Variants in NFATC1 observed in about 807,000 individuals in gnomAD.
NFATC1 encodes the protein nuclear factor of activated T-cells, cytoplasmic 1.
In NFATC1, 22 loss-of-function variants were observed where a neutral mutation model predicts 76.0. The observed-to-expected ratio is 0.29, with a 90% CI of 0.21 to 0.41. NFATC1 has a LOEUF of 0.41. NFATC1 is among the 10% of genes least tolerant of loss of function. NFATC1 has a pLI of 1.00. For missense variants in NFATC1, 1,357 were observed against 1,337.7 expected (o/e 1.01, Z -0.23); for synonymous variants, 704 against 613.1 (o/e 1.15, Z -2.19).
At chr18:79,503,062 C>G (rs1263997987) in intron 9 of NFATC1, among the ~76,000 whole-genome samples, 1 of 152,212 alleles carries the variant, frequency 6.6e-6, no homozygotes, top group African/African-American at 2.4e-5. Context: ...TCTGAAACAA[C>G]CACAATGCCC....
intron 9 of NFATC1, among the ~76,000 whole-genome samples, chr18:79,521,522 A>T (rs1435789611): frequency 1.0e-4 from 4 of 38,998 alleles, no homozygotes; most frequent in East Asian, 9.6e-4. Context: ...GTGTGTGGGG[A>T]GCATCCACTG....
In NFATC1 at chr18:79,400,374, G is replaced by A. The variant is rs938398028; in HGVS notation, c.127+4023G>A. ...GGCCGCGACCCCGGCTCCCGCCCCG[G>A]CCCCGGCCCGACCCGCCATGACGGG... On this transcript the variant is annotated intron_variant, in intron 1 of 9. Transcript: ENST00000427363. 7 of 1,474,770 alleles carry A rather than the reference G, an allele frequency of 4.7e-6. No homozygotes were observed. The African/African-American group carries it at 1.0e-4, about 22-fold the overall frequency. The allele number at this position is 1,474,770 out of a possible 1,614,324, so 91.4% of individuals were successfully genotyped here. A position where few individuals can be genotyped will look rare whatever the true frequency, so the allele number is the denominator to read the frequency against.
intron 9 of NFATC1, among the ~76,000 whole-genome samples, chr18:79,502,300 CA>C (rs1168591357): frequency 6.6e-6 from 1 of 152,044 alleles, no homozygotes; most frequent in African/African-American, 2.4e-5. Flanking sequence ...TTGCCACATG[CA>C]AAAAAACACA....
intron 8 of NFATC1, among the ~76,000 whole-genome samples, chr18:79,471,593 C>T (rs2088789177): frequency 6.6e-6 from 1 of 152,206 alleles, no homozygotes; most frequent in South Asian, 2.1e-4. Flanking sequence ...GGAGAAGCTG[C>T]TCCCGGCCCT....
At chr18:79,432,138 C>T (rs1297492504) in intron 2 of NFATC1, among the ~76,000 whole-genome samples, 1 of 152,248 alleles carries the variant, frequency 6.6e-6, no homozygotes, top group East Asian at 1.9e-4. Context: ...CTGCCCTTCT[C>T]GAGAAGCTGC....
chr18:79,431,230 A>G (rs145308970), intron 2 of NFATC1, among the ~76,000 whole-genome samples: 3 of 152,324 alleles, frequency 2.0e-5, no homozygotes, highest in East Asian at 1.9e-4. Context: ...GTCACAAAAT[A>G]TGTAGTCTTG....
At chr18:79,438,549 G>A (rs1038058265) in intron 3 of NFATC1, among the ~76,000 whole-genome samples, 12 of 152,366 alleles carry the variant, frequency 7.9e-5, no homozygotes, top group Admixed American at 6.5e-5. Flanking sequence ...CCGGGCTCGT[G>A]TGAATAATTA....
intron 9 of NFATC1, among the ~76,000 whole-genome samples, chr18:79,495,448 T>C (rs1298081403): frequency 6.6e-6 from 1 of 152,262 alleles, no homozygotes; most frequent in Non-Finnish European, 1.5e-5. Flanking sequence ...GCTATTCATC[T>C]TCTGCCTTTG....
chr18:79,490,858 C>T (rs1369012573), intron 9 of NFATC1, among the ~76,000 whole-genome samples: 1 of 152,178 alleles, frequency 6.6e-6, no homozygotes, highest in Admixed American at 6.5e-5. Flanking sequence ...CTGGAACCCA[C>T]ACCCCAGGCT....
At chr18:79,472,685 T>G (rs997776497) in intron 8 of NFATC1, among the ~76,000 whole-genome samples, 2 of 151,776 alleles carry the variant, frequency 1.3e-5, no homozygotes, top group African/African-American at 4.8e-5. Flanking sequence ...GGGCTGGGCC[T>G]GAGCTCGGCT....
chr18:79,412,468 C>G (rs1354229065), intron 2 of NFATC1, among the ~76,000 whole-genome samples: 2 of 151,798 alleles, frequency 1.3e-5, no homozygotes, highest in East Asian at 1.9e-4. Flanking sequence ...CCCCACCCCC[C>G]ACTCCTTTTT....
chr18:79,435,078 G>A (rs2086725235), intron 3 of NFATC1, among the ~76,000 whole-genome samples: 1 of 152,182 alleles, frequency 6.6e-6, no homozygotes, highest in Non-Finnish European at 1.5e-5. Flanking sequence ...TTTACTGACC[G>A]AAAGCTTGTT....
intron 8 of NFATC1, chr18:79,468,099 G>A (rs1035174018): frequency 2.7e-5 from 17 of 618,694 alleles, no homozygotes; most frequent in Non-Finnish European, 3.2e-5. Flanking sequence ...CTGGGACCAC[G>A]GGCATCCAGG....
chr18:79,439,196 C>T (rs898551811), intron 3 of NFATC1, among the ~76,000 whole-genome samples: 1 of 152,204 alleles, frequency 6.6e-6, no homozygotes, highest in Non-Finnish European at 1.5e-5. Context: ...CACAGGAGCT[C>T]CTGGTTCTCC....
chr18:79,490,342 G>A (rs888576368), intron 9 of NFATC1, among the ~76,000 whole-genome samples: 11 of 151,792 alleles, frequency 7.2e-5, no homozygotes, highest in Admixed American at 6.6e-4. Flanking sequence ...CAGGCTCTCG[G>A]TCATGGTGGG....
At chr18:79,450,548 T>G (rs1404456048) in intron 4 of NFATC1, among the ~76,000 whole-genome samples, 2 of 152,134 alleles carry the variant, frequency 1.3e-5, no homozygotes, top group East Asian at 3.9e-4. Context: ...GCCCCTCCCC[T>G]GGGCCGCTCT....
At chr18:79,455,642 C>T (rs999962914) in intron 6 of NFATC1, among the ~76,000 whole-genome samples, 5 of 152,166 alleles carry the variant, frequency 3.3e-5, no homozygotes, top group South Asian at 2.1e-4. Context: ...GAGCCCCTCC[C>T]GGAGGCCCCC....
intron 9 of NFATC1, among the ~76,000 whole-genome samples, chr18:79,495,895 G>A (rs1009865595): frequency 3.3e-5 from 5 of 152,294 alleles, no homozygotes; most frequent in East Asian, 1.9e-4. Context: ...CAGGCAAGCC[G>A]TGAACAGTAG....
chr18:79,445,746 A>C (rs552920173), intron 3 of NFATC1, among the ~76,000 whole-genome samples: 1 of 152,340 alleles, frequency 6.6e-6, no homozygotes, highest in East Asian at 1.9e-4. Context: ...CCTGGAGAGA[A>C]GCCTGACTCC....
Sources: gnomAD v4.1 joint callset for allele counts (sites outside exome capture counted in the v4.1 genomes callset) on GRCh38, gnomAD v4.1.1 for gene constraint, MANE v1.5 for transcripts, NCBI Gene and HGNC (gene_info 2026-07-23, HGNC 2026-07-21) for gene names.